The following C1orf21 variants were observed in gnomAD, a reference collection of about 807,000 sequenced individuals.
C1orf21 encodes the protein uncharacterized protein C1orf21.
C1orf21 carries 3 observed loss-of-function variants against 18.7 expected under a neutral mutation model. That is an observed-to-expected ratio of 0.16 (90% CI 0.07 to 0.42). The LOEUF is 0.42. C1orf21 is among the 10% of genes least tolerant of loss of function. C1orf21 has a pLI of 0.99. For missense variants in C1orf21, 104 were observed against 143.6 expected (o/e 0.72, Z 1.41); for synonymous variants, 41 against 46.4 (o/e 0.88, Z 0.47).
At chr1:184,560,174 C>T (rs1035490699) in intron 3 of C1orf21, among the ~76,000 whole-genome samples, 7 of 151,934 alleles carry the variant, frequency 4.6e-5, no homozygotes, top group East Asian at 3.9e-4. Flanking sequence ...ACAGAGTAGA[C>T]GCACATTAAA....
rs375282151 is a variant in C1orf21, at chr1:184,560,220, TA to T, written c.190-30511del. Among the ~76,000 whole-genome samples the T allele has an allele frequency of 2.1e-3, 312 of 151,956 alleles. 1 individual carries two copies. Among genetic ancestry groups the T allele is most frequent in the African/African-American group, 7.4e-3 (308 of 41,416 alleles). ...TAGTCACATGCTTAGTTGAAGAGAT[TA>T]AAAAAAAGGATATGTTTGCCTAAGA... On this transcript the variant is annotated intron_variant, in intron 3 of 5. Coordinates refer to ENST00000235307, the MANE Select transcript of C1orf21 (RefSeq NM_030806.4).
chr1:184,445,358 C>T (rs1657012919), intron 1 of C1orf21, among the ~76,000 whole-genome samples: 1 of 151,754 alleles, frequency 6.6e-6, no homozygotes, highest in Admixed American at 6.6e-5. Flanking sequence ...CTCTCTCTCT[C>T]TCTCTCTCTC....
intron 3 of C1orf21, among the ~76,000 whole-genome samples, chr1:184,546,895 C>T (rs1242277956): frequency 1.3e-5 from 2 of 152,200 alleles, no homozygotes; most frequent in Non-Finnish European, 2.9e-5. Context: ...TCGCCATCCC[C>T]ATACTTGACT....
At chr1:184,477,654 T>A (rs771944775) in intron 2 of C1orf21, 51 bp downstream of exon 2, 19 of 1,375,796 alleles carry the variant, frequency 1.4e-5, no homozygotes. Flanking sequence ...GGCCTTTCAC[T>A]TTTTTTTATT....
chr1:184,523,436 G>A (rs1009308329), intron 3 of C1orf21, among the ~76,000 whole-genome samples: 1 of 151,930 alleles, frequency 6.6e-6, no homozygotes, highest in African/African-American at 2.4e-5. Flanking sequence ...ATATCTGACT[G>A]GTACTCCTGA....
chr1:184,409,813 G>A (rs1288626056), intron 1 of C1orf21, among the ~76,000 whole-genome samples: 1 of 152,176 alleles, frequency 6.6e-6, no homozygotes, highest in Admixed American at 6.5e-5. Flanking sequence ...CCTTCAGTTG[G>A]CTTTGCTCTT....
chr1:184,606,825 A>G (rs1187657906), intron 5 of C1orf21, among the ~76,000 whole-genome samples: 1 of 152,146 alleles, frequency 6.6e-6, no homozygotes, highest in African/African-American at 2.4e-5. Flanking sequence ...GAAGAATAGC[A>G]TTTTGCATTG....
chr1:184,595,723 C>T (rs1026080845), intron 4 of C1orf21, among the ~76,000 whole-genome samples: 1 of 152,222 alleles, frequency 6.6e-6, no homozygotes, highest in Non-Finnish European at 1.5e-5. Context: ...ATGTCTGACA[C>T]ACTTCCAGTG....
chr1:184,441,721 C>T (rs1186322164), intron 1 of C1orf21, among the ~76,000 whole-genome samples: 1 of 152,168 alleles, frequency 6.6e-6, no homozygotes, highest in Non-Finnish European at 1.5e-5. Context: ...AGTAAATTTA[C>T]AATTCTAAAT....
chr1:184,497,568 C>A lies in C1orf21; in HGVS notation c.95-10020C>A, dbSNP rs912139944. Among the ~76,000 whole-genome samples the A allele has an allele frequency of 2.6e-5, 4 of 152,152 alleles. No individual in the cohort carries two copies. The East Asian group carries it at 5.8e-4, about 22-fold the overall frequency. Reference sequence around the variant, plus strand: ...GGAGATCTGCAGTGGAAAGTCAAGTCATGAATATTTTTTATAAAGAGAGAA... The same window carrying A: ...GGAGATCTGCAGTGGAAAGTCAAGTAATGAATATTTTTTATAAAGAGAGAA... On this transcript the variant is annotated intron_variant, in intron 2 of 5. Coordinates refer to ENST00000235307, the MANE Select transcript of C1orf21 (RefSeq NM_030806.4).
At chr1:184,466,676 T>C (rs753319333) in intron 1 of C1orf21, among the ~76,000 whole-genome samples, 3 of 152,234 alleles carry the variant, frequency 2.0e-5, no homozygotes, top group Non-Finnish European at 4.4e-5. Context: ...TTCTTTGTTA[T>C]GGTAAACTAA....
chr1:184,406,464 G>A (rs181087291), intron 1 of C1orf21, among the ~76,000 whole-genome samples: 21 of 152,314 alleles, frequency 1.4e-4, no homozygotes, highest in Middle Eastern at 3.4e-3. Flanking sequence ...ATTAGAGTTT[G>A]TGGTAGGCTA....
intron 3 of C1orf21, among the ~76,000 whole-genome samples, chr1:184,515,925 G>T (rs1411927904): frequency 6.6e-6 from 1 of 152,144 alleles, no homozygotes; most frequent in South Asian, 2.1e-4. Flanking sequence ...CAATTCTCCT[G>T]CCTCAGCCTC....
chr1:184,412,759 G>T (rs1354529349), intron 1 of C1orf21, among the ~76,000 whole-genome samples: 2 of 152,178 alleles, frequency 1.3e-5, no homozygotes, highest in Admixed American at 1.3e-4. Flanking sequence ...AGTGAGCTAT[G>T]ATTGTGCCAC....
At chr1:184,570,721 A>G (rs1176849064) in intron 3 of C1orf21, among the ~76,000 whole-genome samples, 1 of 152,208 alleles carries the variant, frequency 6.6e-6, no homozygotes, top group African/African-American at 2.4e-5. Context: ...ACTGAGTGCT[A>G]AGGCAGAACA....
intron 2 of C1orf21, among the ~76,000 whole-genome samples, chr1:184,500,875 G>A (rs1046201060): frequency 6.6e-6 from 1 of 152,162 alleles, no homozygotes; most frequent in Non-Finnish European, 1.5e-5. Flanking sequence ...CCTGGGATAT[G>A]TTGCATCTTA....
At chr1:184,538,486 T>G (rs1267669489) in intron 3 of C1orf21, among the ~76,000 whole-genome samples, 1 of 152,204 alleles carries the variant, frequency 6.6e-6, no homozygotes, top group Non-Finnish European at 1.5e-5. Flanking sequence ...CAATTTTTTT[T>G]CTTTTGTTGC....
rs1425049780 is a variant in C1orf21, at chr1:184,387,051, C to T, written c.-442C>T. 1 of 151,648 alleles carries T rather than the reference C, an allele frequency of 6.6e-6. No individual in the cohort carries two copies. The highest frequency in any genetic ancestry group is 2.4e-5 in the African/African-American group (1 of 41,312). The allele number at this position is 151,648 out of a possible 1,614,324, so 9.4% of individuals were successfully genotyped here. ...CTCGCTCCTCGCAAGCTCCCGCTCG[C>T]TCCCTGCCCACTCCCGGGGGGACGT... On this transcript the variant is annotated 5_prime_UTR_variant, in exon 1 of 6. Transcript: ENST00000235307. The surrounding 1 kb of genome is among the most constrained non-coding windows in gnomAD (Gnocchi z 5.6).
chr1:184,486,178 A>G (rs1657730089), intron 2 of C1orf21, among the ~76,000 whole-genome samples: 1 of 152,212 alleles, frequency 6.6e-6, no homozygotes, highest in African/African-American at 2.4e-5. Flanking sequence ...TGACTCAGAG[A>G]AGGTGCTCAA....
Sources: gnomAD v4.1 joint callset for allele counts (sites outside exome capture counted in the v4.1 genomes callset) on GRCh38, gnomAD v4.1.1 for gene constraint, Gnocchi (gnomAD v3.1) non-coding constraint, MANE v1.5 for transcripts, NCBI Gene and HGNC (gene_info 2026-07-23, HGNC 2026-07-21) for gene names.